CEP295: variants seen among roughly 807,000 people sequenced by gnomAD.
CEP295 encodes centrosomal protein of 295 kDa.
CEP295 carries 190 observed loss-of-function variants against 291.6 expected under a neutral mutation model. That is an observed-to-expected ratio of 0.65 (90% CI 0.58 to 0.73). The LOEUF is 0.73. Among genes scored for constraint, CEP295 ranks in the 30% least tolerant of loss-of-function variants. CEP295 has a pLI of 0.00. For missense variants in CEP295, 2,863 were observed against 2,949.4 expected (o/e 0.97, Z 0.68); for synonymous variants, 993 against 1,038.8 (o/e 0.96, Z 0.85).
intron 21 of CEP295, chr11:93,723,580 G>C: frequency 4.3e-6 from 1 of 231,092 alleles, no homozygotes; most frequent in Non-Finnish European, 8.5e-6. Flanking sequence ...CAGGAGCTCA[G>C]AAATCATACA....
At chr11:93,669,535 A>G (rs1277894885) in intron 4 of CEP295, 142 bp from the exon 5 acceptor site, 1 of 536,338 alleles carries the variant, frequency 1.9e-6, no homozygotes, top group East Asian at 2.9e-5. Flanking sequence ...ATATGTATAG[A>G]CTCTTTACAC....
At chr11:93,672,315 G>A (rs1950490546) in intron 5 of CEP295, among the ~76,000 whole-genome samples, 2 of 152,060 alleles carry the variant, frequency 1.3e-5, no homozygotes, top group Non-Finnish European at 2.9e-5. Context: ...AAAGAATGAA[G>A]TTTGTATTGA....
At chr11:93,675,768 A>C in intron 6 of CEP295, 102 bp downstream of exon 6, 1 of 602,228 alleles carries the variant, frequency 1.7e-6, no homozygotes, top group Non-Finnish European at 2.8e-6. Context: ...AGATTTCAAA[A>C]TTTGGACAAT....
intron 18 of CEP295, among the ~76,000 whole-genome samples, chr11:93,720,041 C>T (rs1376890607): frequency 4.4e-5 from 6 of 136,820 alleles, no homozygotes; most frequent in African/African-American, 1.7e-4. Flanking sequence ...AATATATGCT[C>T]ATTATGAATT....
Position 93,673,811 on chromosome 11 carries a change from T to C in CEP295, c.529-1760T>C, listed in dbSNP as rs541682262. Among the ~76,000 whole-genome samples, 128 of 152,184 alleles carry C rather than the reference T, an allele frequency of 8.4e-4. 3 individuals are homozygous for C. Among genetic ancestry groups the C allele is most frequent in the Non-Finnish European group, 6.9e-4 (47 of 67,984 alleles). ...CCTGGCCGCAGCTTTTTAACAATGC[T>C]AATACTGGGCTCTGTTCCATGGATT... On this transcript the variant is annotated intron_variant, in intron 5 of 29. Transcript: ENST00000325212.
In CEP295 at chr11:93,711,992, C is replaced by G. The variant is rs1432712311; in HGVS notation, c.5749+5095C>G. ...TTTGGTCTATGGTGAAGATTAAGCC[C>G]AATGTTTCTTTGTTGATTTTCTGTC... On this transcript the variant is annotated intron_variant, in intron 18 of 29. Coordinates refer to ENST00000325212, the MANE Select transcript of CEP295 (RefSeq NM_033395.2). 3.3e-5 allele frequency among the ~76,000 whole-genome samples: 5 copies of G among 152,048 alleles called. No homozygotes were observed. The East Asian group carries it at 5.8e-4, about 18-fold the overall frequency.
chr11:93,673,556 C>T (rs1255296553), intron 5 of CEP295, among the ~76,000 whole-genome samples: 1 of 151,924 alleles, frequency 6.6e-6, no homozygotes, highest in Non-Finnish European at 1.5e-5. Context: ...GGCAGTGGTG[C>T]AGTCTCGGCT....
chr11:93,716,470 C>T (rs998206631), intron 18 of CEP295, among the ~76,000 whole-genome samples: 2 of 152,154 alleles, frequency 1.3e-5, no homozygotes, highest in Non-Finnish European at 2.9e-5. Context: ...ATTTTTGGTT[C>T]GTATGAAGGT....
At chr11:93,666,628 T>G in intron 1 of CEP295, 54 bp from the exon 2 acceptor site, 3 of 683,394 alleles carry the variant, frequency 4.4e-6, no homozygotes, top group Non-Finnish European at 7.4e-6. Context: ...TAATCTTTGC[T>G]GCCCTATTTT....
chr11:93,685,970 A>C (rs1438166531), intron 9 of CEP295, among the ~76,000 whole-genome samples: 1 of 151,466 alleles, frequency 6.6e-6, no homozygotes, highest in Non-Finnish European at 1.5e-5. Context: ...CTGCCTCCCA[A>C]AGTGCTGGGA....
At chr11:93,685,526 C>T (rs996851693) in intron 9 of CEP295, among the ~76,000 whole-genome samples, 3 of 152,016 alleles carry the variant, frequency 2.0e-5, no homozygotes, top group African/African-American at 7.3e-5. Context: ...AAGGTTACTA[C>T]CAGCAACTGG....
At chr11:93,662,123 C>G (rs1950019383) in intron 1 of CEP295, among the ~76,000 whole-genome samples, 1 of 152,174 alleles carries the variant, frequency 6.6e-6, no homozygotes, top group Admixed American at 6.5e-5. Flanking sequence ...GGCCTGCCAC[C>G]TGGTAGCTGT....
chr11:93,722,089 C>A, intron 20 of CEP295, 39 bp downstream of exon 20: 3 of 1,229,394 alleles, frequency 2.4e-6, no homozygotes, highest in East Asian at 2.5e-5. Context: ...GTTGAAAGAC[C>A]GGCACCAGTT....
intron 1 of CEP295, among the ~76,000 whole-genome samples, chr11:93,663,038 T>C (rs1174005573): frequency 2.0e-5 from 3 of 152,210 alleles, no homozygotes; most frequent in Non-Finnish European, 4.4e-5. Flanking sequence ...TTTTCAAAAA[T>C]GACAGGGTCT....
In CEP295 at chr11:93,729,512, C is replaced by T; in HGVS notation, c.7381C>T (p.Pro2461Ser). Residue 2461 changes from proline to serine, a missense_variant, in exon 26 of 30, where the codon CCA (proline) becomes TCA (serine). Pro to Ser is a moderately conservative substitution (Grantham distance 74). Transcript: ENST00000325212. ...PAVSELSIEK[P>S]RTASTETPRR... is the part of the protein sequence containing the mutation. ...TGTATCAGAACTTTCCATAGAAAAA[C>T]CAAGGACAGCATCTACAGGTAAGCC... 6.4e-7 allele frequency: 1 copy of T among 1,551,742 alleles called. No individual in the cohort carries two copies. The highest frequency in any genetic ancestry group is 8.7e-7 in the Non-Finnish European group (1 of 1,146,886).
chr11:93,723,999 C>G (rs184280876), intron 21 of CEP295: 7 of 214,058 alleles, frequency 3.3e-5, no homozygotes, highest in African/African-American at 1.6e-4. Flanking sequence ...TTAAATTTCT[C>G]TAAAAATAAA....
rs755738914 is a variant in CEP295 at position 93,697,230 on chromosome 11, G to A, written c.2318G>A (p.Ser773Asn). The stretch of plus-strand genomic sequence containing the variant: ...TCCCAACAATTGTTCTCAGAGAATA[G>A]TGAAAATATATCTTACCATTTAACT... ...LESQQLFSEN[S>N]ENISYHLTEP... Residue 773 changes from serine (S) to asparagine (N), a missense_variant, in exon 15 of 30, where the codon AGT (serine) becomes AAT (asparagine). By Grantham distance (46) the Ser-to-Asn change is conservative (BLOSUM62 1). Transcript: ENST00000325212. The A allele has an allele frequency of 1.3e-6, 2 of 1,551,702 alleles. No homozygotes were observed. The highest frequency in any genetic ancestry group is 1.2e-5 in the South Asian group (1 of 84,058).
At chr11:93,695,756 A>G (rs1951815126) in intron 13 of CEP295, 122 bp downstream of exon 13, 1 of 1,165,800 alleles carries the variant, frequency 8.6e-7, no homozygotes, top group East Asian at 3.2e-5. Context: ...CATGCCTGTA[A>G]TCTCAGCACT....
Position 93,667,795 on chromosome 11 carries a change from G to A in CEP295, c.297G>A (p.Gln99=), listed in dbSNP as rs750189069. The change falls in exon 3 of 30, where the codon CAG becomes CAA. Residue 99 remains glutamine, a synonymous_variant. Transcript: ENST00000325212. ...GAAGTATGGGAGAGGGACATCGACA[G>A]GCCAAAGAAAATGTGAGTGAGATCT... The part of the protein sequence containing the change: ...SLRSMGEGHR[Q]AKENEPDLDA... 1.0e-5 allele frequency: 16 copies of A among 1,547,950 alleles called. No individual in the cohort carries two copies. The South Asian group carries it at 1.8e-4, about 17-fold the overall frequency.
Sources: gnomAD v4.1 joint callset for allele counts (sites outside exome capture counted in the v4.1 genomes callset) on GRCh38, gnomAD v4.1.1 for gene constraint, MANE v1.5 for transcripts, NCBI Gene and HGNC (gene_info 2026-07-23, HGNC 2026-07-21) for gene names.